KCNH5: variants seen among roughly 807,000 people sequenced by gnomAD.
The protein encoded by KCNH5 is voltage-gated delayed rectifier potassium channel KCNH5.
KCNH5 carries 46 observed loss-of-function variants against 96.1 expected under a neutral mutation model. The observed-to-expected ratio is 0.48, with a 90% CI of 0.38 to 0.61. The LOEUF (loss-of-function observed/expected upper bound fraction) is 0.61. Ranked by LOEUF, KCNH5 falls within the 20% of genes least tolerant of loss-of-function variation. KCNH5 has a pLI of 0.00. For synonymous variants in KCNH5, 439 were observed against 449.8 expected, an observed-to-expected ratio of 0.98 and a Z score of 0.30; for missense variants, 907 against 1,225.8, an observed-to-expected ratio of 0.74 and a Z score of 3.88.
chr14:62,807,483 T>C (rs1566666778), intron 8 of KCNH5, among the ~76,000 whole-genome samples: 1 of 152,104 alleles, frequency 6.6e-6, no homozygotes, highest in Non-Finnish European at 1.5e-5. Context: ...AAAACAGCTT[T>C]AAAAATTATT....
chr14:62,830,119 C>T (rs1300441481), intron 8 of KCNH5, among the ~76,000 whole-genome samples: 2 of 152,140 alleles, frequency 1.3e-5, no homozygotes, highest in Non-Finnish European at 2.9e-5. Context: ...ACCTTTACTC[C>T]AGTTCCCAAT....
chr14:62,920,875 A>G (rs1468727661), intron 7 of KCNH5, among the ~76,000 whole-genome samples: 4 of 152,196 alleles, frequency 2.6e-5, no homozygotes, highest in East Asian at 1.9e-4. Context: ...TCATGCATTC[A>G]TCTATAAACT....
chr14:62,859,256 G>T (rs1887987980), intron 7 of KCNH5, among the ~76,000 whole-genome samples: 1 of 152,292 alleles, frequency 6.6e-6, no homozygotes, highest in Non-Finnish European at 1.5e-5. Flanking sequence ...GTTGGTCTCT[G>T]TTGCTGGCAA....
At chr14:62,984,827 G>A (rs1331897055) in intron 5 of KCNH5, among the ~76,000 whole-genome samples, 2 of 152,084 alleles carry the variant, frequency 1.3e-5, no homozygotes, top group Non-Finnish European at 1.5e-5. Context: ...AAAATGTCAA[G>A]GGGAAAGTTT....
chr14:62,888,115 C>T (rs1888634752), intron 7 of KCNH5, among the ~76,000 whole-genome samples: 1 of 152,184 alleles, frequency 6.6e-6, no homozygotes, highest in African/African-American at 2.4e-5. Flanking sequence ...GTAACTTTTA[C>T]AGCCTACTAA....
At chr14:62,813,314 AGTGAAGTT>A in intron 8 of KCNH5, among the ~76,000 whole-genome samples, 1 of 152,194 alleles carries the variant, frequency 6.6e-6, no homozygotes, top group Non-Finnish European at 1.5e-5. Flanking sequence ...CTTTAGTCTT[AGTGAAGTT>A]ATTCTACTAC....
At chr14:62,903,358 T>C (rs1888966003) in intron 7 of KCNH5, among the ~76,000 whole-genome samples, 1 of 152,210 alleles carries the variant, frequency 6.6e-6, no homozygotes, top group Non-Finnish European at 1.5e-5. Flanking sequence ...ATGTTCATTA[T>C]GGAAATTAGG....
intron 8 of KCNH5, among the ~76,000 whole-genome samples, chr14:62,839,723 T>G (rs1887537671): frequency 6.6e-6 from 1 of 152,216 alleles, no homozygotes; most frequent in Admixed American, 6.5e-5. Context: ...TAATGAGTTA[T>G]TAGTAGTTAA....
intron 7 of KCNH5, among the ~76,000 whole-genome samples, chr14:62,897,196 A>G (rs1400299427): frequency 6.6e-6 from 1 of 152,112 alleles, no homozygotes; most frequent in Non-Finnish European, 1.5e-5. Flanking sequence ...AGTGAAAATG[A>G]CTAAAGACAA....
chr14:62,703,611 C>T lies in KCNH5; in HGVS notation c.*3897G>A, dbSNP rs1037745896. On this transcript the variant is annotated 3_prime_UTR_variant, in exon 11 of 11. Transcript: ENST00000322893. ...TAAATTCAGAACACAAGACAAAGCT[C>T]AGATACTAAGACTTAAGGTGTTTTC... is the stretch of plus-strand genomic sequence containing the variant. 2 of 151,852 alleles carry T rather than the reference C, an allele frequency of 1.3e-5. No homozygotes were observed. The highest frequency in any genetic ancestry group is 4.8e-5 in the African/African-American group (2 of 41,428). 9.4% of individuals were successfully genotyped at this position (151,852 alleles called of 1,614,324 possible).
intron 7 of KCNH5, among the ~76,000 whole-genome samples, chr14:62,914,668 A>G (rs1668109069): frequency 6.6e-6 from 1 of 152,176 alleles, no homozygotes; most frequent in Admixed American, 6.5e-5. Context: ...CCATGTGAGG[A>G]CAAAACTAGA....
intron 5 of KCNH5, 135 bp from the exon 6 acceptor site, chr14:62,981,399 T>C: frequency 1.2e-6 from 1 of 825,818 alleles, no homozygotes; most frequent in Non-Finnish European, 1.9e-6. Context: ...TGAGTTGTCC[T>C]AAAATTTGTT....
Position 62,705,764 on chromosome 14 carries a change from G to T in KCNH5, c.*1744C>A, listed in dbSNP as rs1884417979. The T allele has an allele frequency of 6.6e-6, 1 of 152,030 alleles. No individual in the cohort carries two copies. Among genetic ancestry groups the T allele is most frequent in the Non-Finnish European group, 1.5e-5 (1 of 67,898 alleles). 9.4% of individuals were successfully genotyped at this position (152,030 alleles called of 1,614,324 possible). On this transcript the variant is annotated 3_prime_UTR_variant, in exon 11 of 11. Transcript: ENST00000322893. ...TCTGAATGTGATAACATGTCTTTCA[G>T]TTCTAGTGGCTTTGGTTGGGAATAC...
At chr14:63,001,495 G>A (rs772674745) in intron 3 of KCNH5, 36 bp from the exon 4 acceptor site, 2 of 1,581,670 alleles carry the variant, frequency 1.3e-6, no homozygotes, top group Admixed American at 3.6e-5. Context: ...GGACATTAGA[G>A]TGTGGCACGG....
At chr14:63,025,617 T>G (rs984827060) in intron 1 of KCNH5, among the ~76,000 whole-genome samples, 4 of 16,976 alleles carry the variant, frequency 2.4e-4, no homozygotes, top group African/African-American at 5.4e-4. Context: ...TTTACAATAG[T>G]AACAAAAAAA....
intron 4 of KCNH5, among the ~76,000 whole-genome samples, chr14:62,999,570 A>G (rs1890973078): frequency 6.6e-6 from 1 of 152,084 alleles, no homozygotes; most frequent in South Asian, 2.1e-4. Context: ...GTAGGGACAT[A>G]GGTGAAATTG....
In KCNH5 at chr14:62,874,822, T is replaced by C. The variant is rs545782254; in HGVS notation, c.1370-24970A>G. On this transcript the variant is annotated intron_variant, in intron 7 of 10. Transcript: ENST00000322893. ...CTCTCACCGCTCCTATTCAACATAG[T>C]GTTGGAAGTTCTGGCCAGGGCAATT... Among the ~76,000 whole-genome samples, 145 of 112,566 alleles carry C rather than the reference T, an allele frequency of 1.3e-3. 1 individual carries two copies. The highest frequency in any genetic ancestry group is 4.6e-3 in the Admixed American group (48 of 10,414). The allele number at this position is 112,566 out of a possible 152,430, so 73.8% of individuals were successfully genotyped here.
rs1000341891 is a variant in KCNH5, at chr14:62,704,455, CATTT to C, written c.*3049_*3052del. On this transcript the variant is annotated 3_prime_UTR_variant, in exon 11 of 11. Coordinates refer to ENST00000322893, the MANE Select transcript of KCNH5 (RefSeq NM_139318.5). ...ATAATCTCTTCCATCTGCTAGATCACATTTAGTGCAACAATATCCTGATACAGAC... is the reference window on the plus strand; with the variant it reads ...ATAATCTCTTCCATCTGCTAGATCACAGTGCAACAATATCCTGATACAGAC... 1 of 151,862 alleles carries C rather than the reference CATTT, an allele frequency of 6.6e-6. No homozygotes were observed. Among genetic ancestry groups the C allele is most frequent in the African/African-American group, 2.4e-5 (1 of 41,426 alleles). The allele number at this position is 151,862 out of a possible 1,614,324, so 9.4% of individuals were successfully genotyped here.
intron 8 of KCNH5, among the ~76,000 whole-genome samples, chr14:62,836,014 G>A (rs112482440): frequency 1.3e-5 from 2 of 151,830 alleles, no homozygotes; most frequent in South Asian, 2.1e-4. Flanking sequence ...TCTTTTTATT[G>A]TATATATGTG....
Sources: gnomAD v4.1 joint callset for allele counts (sites outside exome capture counted in the v4.1 genomes callset) on GRCh38, gnomAD v4.1.1 for gene constraint, MANE v1.5 for transcripts, NCBI Gene and HGNC (gene_info 2026-07-23, HGNC 2026-07-21) for gene names.